The following PARD3B variants were observed in gnomAD, a reference collection of about 807,000 sequenced individuals.
PARD3B encodes the protein partitioning defective 3 homolog B.
PARD3B carries 103 observed loss-of-function variants against 130.2 expected under a neutral mutation model. The observed-to-expected ratio is 0.79, with a 90% CI of 0.67 to 0.93. The LOEUF is 0.93. Among genes scored for constraint, PARD3B ranks in the 40% least tolerant of loss-of-function variants. The pLI is 0.00. For missense variants in PARD3B, 1,609 were observed against 1,499.2 expected (o/e 1.07, Z -1.21); for synonymous variants, 583 against 553.2 (o/e 1.05, Z -0.76).
chr2:205,542,205 A>C (rs1163575798), intron 21 of PARD3B, among the ~76,000 whole-genome samples: 1 of 150,638 alleles, frequency 6.6e-6, no homozygotes, highest in Non-Finnish European at 1.5e-5. Flanking sequence ...AATTTTTAAT[A>C]AGATCAATAA....
At chr2:205,046,737 T>G (rs1698810968) in intron 3 of PARD3B, among the ~76,000 whole-genome samples, 1 of 152,134 alleles carries the variant, frequency 6.6e-6, no homozygotes, top group Non-Finnish European at 1.5e-5. Flanking sequence ...AGTACAAAAA[T>G]AAAACGCTAA....
chr2:205,505,446 T>C (rs950511401), intron 21 of PARD3B, among the ~76,000 whole-genome samples: 4 of 152,138 alleles, frequency 2.6e-5, no homozygotes, highest in African/African-American at 9.7e-5. Flanking sequence ...TTTGTAAATA[T>C]GGACTTGAGA....
rs1179162171 is a variant in PARD3B at position 205,303,430 on chromosome 2, T to C, written c.2630+1729T>C. Among the ~76,000 whole-genome samples, 3 of 152,204 alleles carry C rather than the reference T, an allele frequency of 2.0e-5. No homozygotes were observed. In the East Asian group the frequency reaches 5.8e-4, roughly 29 times the overall value. On this transcript the variant is annotated intron_variant, in intron 18 of 22. Transcript: ENST00000406610. ...CCCTAAGCCTCTGACCTCAGACATA[T>C]ACCCCTGAGTCTCCTTACCCCGGCT...
At chr2:205,571,649 A>G (rs78368342) in intron 22 of PARD3B, among the ~76,000 whole-genome samples, 2,430 of 152,338 alleles carry the variant, frequency 0.016, 66 homozygotes, top group African/African-American at 0.056. Flanking sequence ...GCTTTTATCA[A>G]CCTTACTAAT....
intron 21 of PARD3B, among the ~76,000 whole-genome samples, chr2:205,519,232 C>A (rs2050926833): frequency 6.6e-6 from 1 of 152,122 alleles, no homozygotes; most frequent in East Asian, 1.9e-4. Context: ...CTGATTTGGT[C>A]TCTTTTCATA....
chr2:205,138,851 C>T (rs928254326), intron 10 of PARD3B, among the ~76,000 whole-genome samples: 2 of 152,208 alleles, frequency 1.3e-5, no homozygotes, highest in Non-Finnish European at 2.9e-5. Context: ...CAACAGATAT[C>T]TTTCTCATGG....
intron 3 of PARD3B, among the ~76,000 whole-genome samples, chr2:204,985,691 C>G (rs1693072505): frequency 6.6e-6 from 1 of 152,088 alleles, no homozygotes; most frequent in Non-Finnish European, 1.5e-5. Flanking sequence ...GAAGTGGAGA[C>G]AATTGATGAA....
At chr2:204,879,803 A>G (rs2045972512) in intron 2 of PARD3B, among the ~76,000 whole-genome samples, 1 of 152,192 alleles carries the variant, frequency 6.6e-6, no homozygotes, top group Admixed American at 6.5e-5. Flanking sequence ...CAAATTGTGT[A>G]CTTACATCTG....
intron 21 of PARD3B, among the ~76,000 whole-genome samples, chr2:205,513,341 G>GAT (rs146102180): frequency 5.6e-4 from 84 of 151,124 alleles, no homozygotes; most frequent in Non-Finnish European, 9.0e-4. Context: ...TCTATGTATG[G>GAT]ATATATATAT....
intron 22 of PARD3B, among the ~76,000 whole-genome samples, chr2:205,606,873 G>T (rs1232168523): frequency 6.6e-6 from 1 of 152,148 alleles, no homozygotes; most frequent in East Asian, 1.9e-4. Context: ...CCTTAAAGCT[G>T]GGTGCCAGCT....
At chr2:205,579,303 C>A (rs1199783212) in intron 22 of PARD3B, among the ~76,000 whole-genome samples, 1 of 152,176 alleles carries the variant, frequency 6.6e-6, no homozygotes, top group Non-Finnish European at 1.5e-5. Context: ...GCTATTGTGG[C>A]ATCATCAGCT....
chr2:204,879,685 A>C (rs2045966828), intron 2 of PARD3B, among the ~76,000 whole-genome samples: 1 of 152,204 alleles, frequency 6.6e-6, no homozygotes, highest in African/African-American at 2.4e-5. Flanking sequence ...TCTTAGGTAT[A>C]TGCCCTTTGT....
At chr2:204,973,195 ATACAAG>A (rs1283963613) in intron 3 of PARD3B, among the ~76,000 whole-genome samples, 1 of 152,170 alleles carries the variant, frequency 6.6e-6, no homozygotes, top group Non-Finnish European at 1.5e-5. Flanking sequence ...TGTTCTCTAA[ATACAAG>A]TACTGCTTTT....
intron 1 of PARD3B, among the ~76,000 whole-genome samples, chr2:204,600,293 A>G (rs1360034306): frequency 6.6e-6 from 1 of 151,854 alleles, no homozygotes; most frequent in East Asian, 1.9e-4. Flanking sequence ...TGTTAGTTTC[A>G]TAGTTTCATG....
chr2:204,609,100 G>C (rs1018838102), intron 1 of PARD3B, among the ~76,000 whole-genome samples: 2 of 152,146 alleles, frequency 1.3e-5, no homozygotes, highest in South Asian at 4.1e-4. Context: ...TCTTAAGGTA[G>C]TTTATTCTCC....
At chr2:205,556,713 A>G (rs939685811) in intron 22 of PARD3B, among the ~76,000 whole-genome samples, 2 of 152,160 alleles carry the variant, frequency 1.3e-5, no homozygotes, top group African/African-American at 4.8e-5. Context: ...GACCTGTACC[A>G]GGGCCAATGT....
intron 3 of PARD3B, among the ~76,000 whole-genome samples, chr2:205,029,309 C>A (rs1697264272): frequency 6.6e-6 from 1 of 152,124 alleles, no homozygotes; most frequent in Non-Finnish European, 1.5e-5. Flanking sequence ...CAGAAGGCCG[C>A]CTTTGACTCC....
chr2:205,419,777 C>T (rs1273448256), intron 19 of PARD3B, among the ~76,000 whole-genome samples: 1 of 152,080 alleles, frequency 6.6e-6, no homozygotes, highest in Non-Finnish European at 1.5e-5. Context: ...AGTAGACTCT[C>T]AGAAATGTGG....
At chr2:204,713,258 A>G (rs2038543648) in intron 2 of PARD3B, among the ~76,000 whole-genome samples, 1 of 151,972 alleles carries the variant, frequency 6.6e-6, no homozygotes, top group African/African-American at 2.4e-5. Flanking sequence ...GTATTTTTAT[A>G]ATTTACAAGA....
Sources: gnomAD v4.1 joint callset for allele counts (sites outside exome capture counted in the v4.1 genomes callset) on GRCh38, gnomAD v4.1.1 for gene constraint, MANE v1.5 for transcripts, NCBI Gene and HGNC (gene_info 2026-07-23, HGNC 2026-07-21) for gene names.